Variants in HS3ST4 observed in about 807,000 individuals in gnomAD.
The protein encoded by HS3ST4 is heparan sulfate-glucosamine 3-sulfotransferase 4.
HS3ST4 carries 17 observed loss-of-function variants against 29.2 expected under a neutral mutation model. The observed-to-expected ratio is 0.58, with a 90% CI of 0.40 to 0.87. The LOEUF is 0.87. Among genes scored for constraint, HS3ST4 ranks in the 40% least tolerant of loss-of-function variants. HS3ST4 has a pLI of 0.00. For synonymous variants in HS3ST4, 314 were observed against 285.7 expected, an observed-to-expected ratio of 1.10 and a Z score of -1.00; for missense variants, 627 against 634.5, an observed-to-expected ratio of 0.99 and a Z score of 0.13.
chr16:25,856,983 A>G (rs1316377949), intron 1 of HS3ST4, among the ~76,000 whole-genome samples: 1 of 152,192 alleles, frequency 6.6e-6, no homozygotes, highest in African/African-American at 2.4e-5. Context: ...ATTTGCAGCC[A>G]GCATCCGAAG....
At chr16:25,822,200 C>T (rs371360936) in intron 1 of HS3ST4, among the ~76,000 whole-genome samples, 4 of 152,076 alleles carry the variant, frequency 2.6e-5, no homozygotes, top group Non-Finnish European at 2.9e-5. Flanking sequence ...TATTTCTCAC[C>T]GTTCTGGAGG....
At chr16:25,892,111 T>C (rs11866082) in intron 1 of HS3ST4, among the ~76,000 whole-genome samples, 7,557 of 152,224 alleles carry the variant, frequency 0.05, 616 homozygotes, top group African/African-American at 0.17. Flanking sequence ...GCAAGGAATT[T>C]AGTGGCCAAA....
chr16:26,072,391 G>A (rs1430314717), intron 1 of HS3ST4, among the ~76,000 whole-genome samples: 3 of 152,192 alleles, frequency 2.0e-5, no homozygotes, highest in African/African-American at 7.2e-5. Context: ...TAGCTTTGGT[G>A]TGGGACACGG....
At chr16:26,122,415 A>G (rs895972576) in intron 1 of HS3ST4, among the ~76,000 whole-genome samples, 1 of 147,306 alleles carries the variant, frequency 6.8e-6, no homozygotes, top group African/African-American at 2.7e-5. Context: ...ATGGTTTTAA[A>G]AACCAGTCAT....
At chr16:25,858,075 C>A (rs138434351) in intron 1 of HS3ST4, among the ~76,000 whole-genome samples, 13 of 148,230 alleles carry the variant, frequency 8.8e-5, no homozygotes, top group African/African-American at 3.2e-4. Flanking sequence ...CTTTTTCTCT[C>A]TCTCGCTTTT....
chr16:25,850,489 A>G (rs1243877796), intron 1 of HS3ST4, among the ~76,000 whole-genome samples: 1 of 152,160 alleles, frequency 6.6e-6, no homozygotes, highest in Non-Finnish European at 1.5e-5. Context: ...CTCTATGTCT[A>G]AGTTACTTCA....
At chr16:25,840,605 A>AT (rs916624615) in intron 1 of HS3ST4, among the ~76,000 whole-genome samples, 1 of 152,084 alleles carries the variant, frequency 6.6e-6, no homozygotes, top group Non-Finnish European at 1.5e-5. Flanking sequence ...TATAAAAGTG[A>AT]TTTTTTTCCA....
intron 1 of HS3ST4, among the ~76,000 whole-genome samples, chr16:25,884,948 G>T (rs796463502): frequency 6.6e-6 from 1 of 152,120 alleles, no homozygotes; most frequent in African/African-American, 2.4e-5. Flanking sequence ...GTTCATAAAG[G>T]TTACTTAAAT....
chr16:25,943,489 A>T (rs1243366705), intron 1 of HS3ST4, among the ~76,000 whole-genome samples: 1 of 152,224 alleles, frequency 6.6e-6, no homozygotes, highest in African/African-American at 2.4e-5. Flanking sequence ...TTTTGGGGCT[A>T]TTGAAAATAT....
intron 1 of HS3ST4, among the ~76,000 whole-genome samples, chr16:25,975,272 G>A (rs913982895): frequency 1.3e-5 from 2 of 151,444 alleles, no homozygotes; most frequent in Non-Finnish European, 2.9e-5. Context: ...AGGGAACAAT[G>A]GACACTGGAG....
rs574383249 is a variant in HS3ST4 at position 25,974,981 on chromosome 16, C to G, written c.735-160631C>G. 9.2e-5 allele frequency among the ~76,000 whole-genome samples: 14 copies of G among 152,266 alleles called. No homozygotes were observed. The East Asian group carries it at 2.7e-3, about 29-fold the overall frequency. ...TTCCCCATCTCAGTAAATAGCTAAT[C>G]CAGTCATCCAGTTGCTCTGGTTAAA... On this transcript the variant is annotated intron_variant, in intron 1 of 1. Coordinates refer to ENST00000331351, the MANE Select transcript of HS3ST4 (RefSeq NM_006040.3).
chr16:25,807,831 T>C (rs1438030948), intron 1 of HS3ST4, among the ~76,000 whole-genome samples: 1 of 152,196 alleles, frequency 6.6e-6, no homozygotes, highest in Admixed American at 6.5e-5. Flanking sequence ...ATTTTTAATA[T>C]TAACCATTTA....
chr16:26,135,888 G>T lies in HS3ST4; in HGVS notation c.1011G>T (p.Ala337=). Reference sequence around the variant, plus strand: ...GTGCCATTCGAATAGGGATCTATGCGCTGCATCTGGAAAACTGGCTCCAGT... The same window carrying T: ...GTGCCATTCGAATAGGGATCTATGCTCTGCATCTGGAAAACTGGCTCCAGT... ...SWSAIRIGIY[A]LHLENWLQYF... Residue 337 remains alanine (A), a synonymous_variant, in exon 2 of 2, where the codon GCG becomes GCT. Transcript: ENST00000331351. 6.2e-7 allele frequency: 1 copy of T among 1,613,956 alleles called. No individual in the cohort carries two copies. The highest frequency in any genetic ancestry group is 8.5e-7 in the Non-Finnish European group (1 of 1,179,888).
chr16:25,699,171 T>C lies in HS3ST4; in HGVS notation c.734+6020T>C, dbSNP rs1596546932. 2.6e-5 allele frequency among the ~76,000 whole-genome samples: 4 copies of C among 152,260 alleles called. No homozygotes were observed. The South Asian group carries it at 8.3e-4, about 31-fold the overall frequency. ...GTTTGTGACCTCTGGTTTAAACTCA[T>C]TTCAGAAAACAACGGACATGCCCAT... is the stretch of plus-strand genomic sequence containing the variant. On this transcript the variant is annotated intron_variant, in intron 1 of 1. Transcript: ENST00000331351.
At chr16:25,826,772 T>C (rs1180231386) in intron 1 of HS3ST4, among the ~76,000 whole-genome samples, 1 of 152,156 alleles carries the variant, frequency 6.6e-6, no homozygotes, top group East Asian at 1.9e-4. Flanking sequence ...ATGATTATTT[T>C]AGTAATTTCC....
At chr16:26,016,918 C>T (rs1325751782) in intron 1 of HS3ST4, among the ~76,000 whole-genome samples, 3 of 152,140 alleles carry the variant, frequency 2.0e-5, no homozygotes, top group African/African-American at 7.2e-5. Flanking sequence ...GGCTAAGAGG[C>T]TGCAGGCAAG....
At chr16:25,926,174 T>C (rs1968401029) in intron 1 of HS3ST4, among the ~76,000 whole-genome samples, 3 of 152,138 alleles carry the variant, frequency 2.0e-5, no homozygotes, top group African/African-American at 7.2e-5. Flanking sequence ...CTTAGAACAT[T>C]ACCTTCTCCC....
chr16:25,810,201 A>G (rs952261410), intron 1 of HS3ST4, among the ~76,000 whole-genome samples: 1 of 151,740 alleles, frequency 6.6e-6, no homozygotes, highest in East Asian at 1.9e-4. Context: ...TTTTTTTGAG[A>G]CTTTGTCTCG....
At chr16:25,738,979 C>A (rs1596557171) in intron 1 of HS3ST4, among the ~76,000 whole-genome samples, 1 of 152,192 alleles carries the variant, frequency 6.6e-6, no homozygotes, top group Non-Finnish European at 1.5e-5. Flanking sequence ...CTTCATAGCA[C>A]TTGCCACTGC....
Sources: allele counts gnomAD v4.1 joint callset (sites outside exome capture counted in the v4.1 genomes callset), GRCh38; gene constraint gnomAD v4.1.1; transcripts MANE v1.5; gene names NCBI Gene and HGNC (gene_info 2026-07-23, HGNC 2026-07-21).